The following SLC4A4 variants were observed in gnomAD, a reference collection of about 807,000 sequenced individuals.
SLC4A4 encodes solute carrier family 4 member 4.
Under a neutral mutation model 111.5 loss-of-function variants are expected in SLC4A4, and 27 were observed. That is an observed-to-expected ratio of 0.24 (90% CI 0.18 to 0.33). The LOEUF (loss-of-function observed/expected upper bound fraction) is 0.33, where lower values mean the gene tolerates loss of function less well. Ranked by LOEUF, SLC4A4 falls within the 10% of genes least tolerant of loss-of-function variation. The pLI, the probability that SLC4A4 is intolerant of heterozygous loss-of-function variation, is 1.00. For synonymous variants in SLC4A4, 443 were observed against 463.4 expected, an observed-to-expected ratio of 0.96 and a Z score of 0.57; for missense variants, 909 against 1,315.5, an observed-to-expected ratio of 0.69 and a Z score of 4.78.
intron 23 of SLC4A4, 105 bp from the exon 24 acceptor site, chr4:71,563,688 T>C: frequency 1.3e-6 from 1 of 781,326 alleles, no homozygotes; most frequent in Non-Finnish European, 2.3e-6. Context: ...CTTTTCTCCT[T>C]AGTAGTATGT....
chr4:71,448,646 T>C (rs998368407), intron 9 of SLC4A4, among the ~76,000 whole-genome samples: 5 of 152,188 alleles, frequency 3.3e-5, no homozygotes, highest in African/African-American at 1.2e-4. Context: ...ACATGCATTT[T>C]AGATATGAGA....
chr4:71,265,557 C>T (rs1038705806), intron 3 of SLC4A4, among the ~76,000 whole-genome samples: 1 of 152,026 alleles, frequency 6.6e-6, no homozygotes. Context: ...AGAAAAATCA[C>T]TGGGTGAATG....
Position 71,466,796 on chromosome 4 carries a change from C to G in SLC4A4, c.1631+219C>G, listed in dbSNP as rs113938158. On this transcript the variant is annotated intron_variant, in intron 13 of 25. Transcript: ENST00000264485. ...TCTTATGTTGTGTGTATCCTTGCTC[C>G]CTTCCCACTTACTCTCTTTCCCATT... 7.7e-4 allele frequency among the ~76,000 whole-genome samples: 117 copies of G among 152,076 alleles called. 1 individual carries two copies. The highest frequency in any genetic ancestry group is 2.8e-3 in the African/African-American group (115 of 41,492).
chr4:71,412,674 G>A (rs537376936), intron 7 of SLC4A4, among the ~76,000 whole-genome samples: 23 of 152,216 alleles, frequency 1.5e-4, no homozygotes, highest in Middle Eastern at 3.4e-3. Context: ...GAGATGAATC[G>A]GTAAATAATG....
chr4:71,101,638 G>T (rs1447262237), intron 2 of SLC4A4, among the ~76,000 whole-genome samples: 1 of 152,150 alleles, frequency 6.6e-6, no homozygotes. Context: ...GCCTAACTGG[G>T]AGGCAACCCC....
chr4:71,464,864 C>T (rs1727168307), intron 12 of SLC4A4, among the ~76,000 whole-genome samples: 2 of 152,048 alleles, frequency 1.3e-5, no homozygotes, highest in Admixed American at 6.6e-5. Context: ...ATAATGGTCT[C>T]CTAAGCTTTT....
intron 8 of SLC4A4, among the ~76,000 whole-genome samples, chr4:71,447,201 A>G (rs1308887415): frequency 6.6e-6 from 1 of 152,170 alleles, no homozygotes; most frequent in South Asian, 2.1e-4. Context: ...AAGTGTGGAG[A>G]CGATCATCTG....
At chr4:71,309,395 C>T (rs952257502) in intron 3 of SLC4A4, among the ~76,000 whole-genome samples, 14 of 152,290 alleles carry the variant, frequency 9.2e-5, no homozygotes, top group African/African-American at 2.6e-4. Flanking sequence ...CAGACTGCCT[C>T]CTCACGTGGG....
intron 18 of SLC4A4, among the ~76,000 whole-genome samples, chr4:71,539,245 A>G (rs1734834990): frequency 6.6e-6 from 1 of 152,078 alleles, no homozygotes; most frequent in Admixed American, 6.6e-5. Flanking sequence ...GGTTAGCCAT[A>G]ATAACCAATC....
intron 1 of SLC4A4, among the ~76,000 whole-genome samples, chr4:71,234,464 C>G (rs533239811): frequency 1.3e-5 from 2 of 152,218 alleles, no homozygotes; most frequent in Non-Finnish European, 2.9e-5. Flanking sequence ...CTCACTCTTT[C>G]GCCCAGGCTG....
rs1322519352 is a variant in SLC4A4, at chr4:71,539,650, T to A, written c.2442+5262T>A. Among the ~76,000 whole-genome samples, 4 of 152,154 alleles carry A rather than the reference T, an allele frequency of 2.6e-5. No individual in the cohort carries two copies. The East Asian group carries it at 7.7e-4, about 29-fold the overall frequency. ...TCACCTTTAATGTAATTTATATTTC[T>A]CTTGTTTTTGCTCTTAGTATATTTG... On this transcript the variant is annotated intron_variant, in intron 18 of 25. Transcript: ENST00000264485.
chr4:71,206,560 T>C (rs1717780114), intron 1 of SLC4A4, among the ~76,000 whole-genome samples: 1 of 152,156 alleles, frequency 6.6e-6, no homozygotes, highest in Non-Finnish European at 1.5e-5. Flanking sequence ...TGATAAAGAA[T>C]AAAATAGTAC....
intron 2 of SLC4A4, among the ~76,000 whole-genome samples, chr4:71,241,829 T>A (rs956126336): frequency 4.6e-5 from 7 of 152,198 alleles, no homozygotes; most frequent in Non-Finnish European, 7.4e-5. Flanking sequence ...AGTTGGTACT[T>A]GAATAGTAAC....
chr4:71,277,895 T>C (rs1290126011), intron 3 of SLC4A4, among the ~76,000 whole-genome samples: 1 of 152,190 alleles, frequency 6.6e-6, no homozygotes, highest in East Asian at 1.9e-4. Context: ...AAAGGATTAC[T>C]GCAATCAAGT....
intron 2 of SLC4A4, among the ~76,000 whole-genome samples, chr4:71,145,582 T>G (rs1003709289): frequency 6.6e-6 from 1 of 151,990 alleles, no homozygotes; most frequent in African/African-American, 2.4e-5. Flanking sequence ...GGTCCTGGAT[T>G]TTTTTTAGTT....
At chr4:71,096,882 T>G (rs1300269547) in intron 2 of SLC4A4, among the ~76,000 whole-genome samples, 1 of 152,212 alleles carries the variant, frequency 6.6e-6, no homozygotes, top group Admixed American at 6.5e-5. Context: ...CATCTTACTG[T>G]CTCTGCGAAC....
chr4:71,470,742 C>G (rs561555005), intron 13 of SLC4A4, among the ~76,000 whole-genome samples: 1 of 151,988 alleles, frequency 6.6e-6, no homozygotes. Flanking sequence ...AGGCTGGAGA[C>G]CCAGGGGAGC....
rs7665904 is a variant in SLC4A4 at position 71,282,251 on chromosome 4, G to A, written c.253+26852G>A. 1.1e-3 allele frequency among the ~76,000 whole-genome samples: 163 copies of A among 151,640 alleles called. 1 individual carries two copies. The highest frequency in any genetic ancestry group is 3.6e-3 in the African/African-American group (147 of 41,394). On this transcript the variant is annotated intron_variant, in intron 3 of 25. Transcript: ENST00000264485. ...ATTGCAGTATAGTTTATGGCAAGTG[G>A]ACAGGCAACTAACTGAGTTAGGAAA...
chr4:71,243,166 A>C (rs1468676606), intron 2 of SLC4A4, among the ~76,000 whole-genome samples: 1 of 152,182 alleles, frequency 6.6e-6, no homozygotes, highest in Non-Finnish European at 1.5e-5. Flanking sequence ...TGGATTCAAG[A>C]ATGTAGTGTT....
Sources: gnomAD v4.1 joint callset for allele counts (sites outside exome capture counted in the v4.1 genomes callset) on GRCh38, gnomAD v4.1.1 for gene constraint, MANE v1.5 for transcripts, NCBI Gene and HGNC (gene_info 2026-07-23, HGNC 2026-07-21) for gene names.